Variants in CYP2E1 observed in about 807,000 individuals in gnomAD.
CYP2E1 encodes cytochrome P450 family 2 subfamily E member 1, also known as cytochrome P450 2E1.
In CYP2E1, 31 loss-of-function variants were observed where a neutral mutation model predicts 42.9. The ratio of observed to expected loss-of-function variants is 0.72; its 90% CI spans 0.54 to 0.98. The LOEUF (loss-of-function observed/expected upper bound fraction) is 0.98. Among genes scored for constraint, CYP2E1 ranks in the 50% least tolerant of loss-of-function variants. CYP2E1 has a pLI of 0.00. For synonymous variants in CYP2E1, 244 were observed against 248.9 expected (o/e 0.98, Z 0.19); for missense variants, 565 against 633.2 (o/e 0.89, Z 1.16).
chr10:133,537,385 TC>T, intron 7 of CYP2E1, 135 bp downstream of exon 7: 1 of 844,418 alleles, frequency 1.2e-6, no homozygotes, highest in Non-Finnish European at 1.8e-6. Flanking sequence ...CTGGCCCCAC[TC>T]CCACCCTGTG....
At chr10:133,528,718 G>A (rs1851302542) in intron 2 of CYP2E1, 78 bp downstream of exon 2, 1 of 1,536,532 alleles carries the variant, frequency 6.5e-7, no homozygotes, top group Non-Finnish European at 8.9e-7. Flanking sequence ...CCACGTCGGC[G>A]ATGGCCAAAT....
chr10:133,528,119 G>C (rs906606160), intron 1 of CYP2E1: 6 of 244,746 alleles, frequency 2.5e-5, no homozygotes, highest in East Asian at 9.4e-5. Flanking sequence ...GCTCCAGCTC[G>C]GGCTCCCGCG....
At chr10:133,532,056 G>A in intron 3 of CYP2E1, 68 bp from the exon 4 acceptor site, 3 of 1,456,694 alleles carry the variant, frequency 2.1e-6, no homozygotes, top group Non-Finnish European at 1.9e-6. Flanking sequence ...AACCTCAGTG[G>A]GTGACTGAGC....
chr10:133,536,969 T>C (rs963383568), intron 6 of CYP2E1, 94 bp from the exon 7 acceptor site: 10 of 1,161,226 alleles, frequency 8.6e-6, no homozygotes, highest in Middle Eastern at 2.6e-4. Flanking sequence ...GGCAGATGGA[T>C]AAAAGCGTGA....
chr10:133,527,671 A>C (rs1589952925), intron 1 of CYP2E1, 99 bp downstream of exon 1: 1 of 974,470 alleles, frequency 1.0e-6, no homozygotes, highest in South Asian at 1.5e-5. Flanking sequence ...GTTGTTCAAT[A>C]CCAGCCTGTT....
chr10:133,536,956 G>T (rs1412637200), intron 6 of CYP2E1, 107 bp from the exon 7 acceptor site: 4 of 871,354 alleles, frequency 4.6e-6, no homozygotes, highest in African/African-American at 3.2e-5. Flanking sequence ...GGATGTGTAG[G>T]TGGGCAGATG....
intron 6 of CYP2E1, 31 bp from the exon 7 acceptor site, chr10:133,537,032 C>T: frequency 1.3e-6 from 2 of 1,585,928 alleles, no homozygotes; most frequent in Non-Finnish European, 1.7e-6. Flanking sequence ...GGAACCAATC[C>T]CTGAAATTTG....
intron 6 of CYP2E1, among the ~76,000 whole-genome samples, chr10:133,536,630 T>TGGGGGGG (rs1851404697): frequency 9.7e-5 from 1 of 10,334 alleles, no homozygotes; most frequent in African/African-American, 5.4e-4. Flanking sequence ...GGTGGATGGA[T>TGGGGGGG]GGGTGGATGG....
intron 3 of CYP2E1, 38 bp from the exon 4 acceptor site, chr10:133,532,086 C>T (rs1851344637): frequency 1.9e-6 from 3 of 1,599,180 alleles, no homozygotes; most frequent in Non-Finnish European, 2.6e-6. Context: ...AGTCTCCTCA[C>T]CCCCATCTTC....
intron 6 of CYP2E1, among the ~76,000 whole-genome samples, chr10:133,536,354 A>G (rs1851395326): frequency 6.6e-6 from 1 of 151,774 alleles, no homozygotes; most frequent in Non-Finnish European, 1.5e-5. Context: ...TGCTCCATAA[A>G]CATCTTCTGC....
At position 133,527,556 on chromosome 10, in the gene CYP2E1, C is replaced by T. The variant is rs750499891; in HGVS notation, c.161C>T (p.Pro54Leu). The change falls in exon 1 of 9, where the codon CCC becomes CTC. Residue 54 changes from proline to leucine, a missense_variant. By Grantham distance (98) the Pro-to-Leu change is moderately conservative. Transcript: ENST00000252945. ...TTCCAGTTGGAATTGAAGAATATTC[C>T]CAAGTCCTTCACCCGGGTAAGAGAA... ...NLFQLELKNI[P>L]KSFTRLAQRF... is the part of the protein sequence containing the mutation. 6 of 1,611,532 alleles carry T rather than the reference C, an allele frequency of 3.7e-6. No homozygotes were observed. The South Asian group carries it at 6.6e-5, about 18-fold the overall frequency.
Position 133,537,915 on chromosome 10 carries a change from C to T in CYP2E1, c.1297+23C>T, listed in dbSNP as rs756464694. On this transcript the variant is annotated intron_variant, in intron 8 of 8. Coordinates refer to ENST00000252945, the MANE Select transcript of CYP2E1 (RefSeq NM_000773.4). ...CAGGTGAGAAAGATCAGAGGCAGTA[C>T]CTTCCCTTGAGGAGCAGCCCACACT... 5.6e-6 allele frequency: 9 copies of T among 1,608,700 alleles called. No homozygotes were observed. The East Asian group carries it at 2.0e-4, about 36-fold the overall frequency.
chr10:133,529,553 G>T (rs1402508202), intron 2 of CYP2E1, among the ~76,000 whole-genome samples: 2 of 152,264 alleles, frequency 1.3e-5, no homozygotes, highest in African/African-American at 2.4e-5. Flanking sequence ...TTTTAAATCG[G>T]TGAGCTCGTG....
At position 133,537,853 on chromosome 10, in the gene CYP2E1, A is replaced by G. The variant is rs1328203136; in HGVS notation, c.1258A>G (p.Lys420Glu). ...AGAACACTTCCTGAATGAAAATGGA[A>G]AGTTCAAGTACAGTGACTATTTCAA... The part of the protein sequence containing the change: ...KPEHFLNENG[K>E]FKYSDYFKPF... The change falls in exon 8 of 9, where the codon AAG becomes GAG. Residue 420 changes from lysine (K) to glutamate (E), a missense_variant. Transcript: ENST00000252945. 6.2e-7 allele frequency: 1 copy of G among 1,613,982 alleles called. No homozygotes were observed.
Position 133,532,165 on chromosome 10 carries a change from T to C in CYP2E1, c.529T>C (p.Cys177Arg). 1.2e-6 allele frequency: 2 copies of C among 1,614,018 alleles called. No homozygotes were observed. The highest frequency in any genetic ancestry group is 1.7e-6 in the Non-Finnish European group (2 of 1,180,012). Residue 177 changes from cysteine to arginine, a missense_variant, in exon 4 of 9, where the codon TGC (cysteine) becomes CGC (arginine). Transcript: ENST00000252945. ...CACCTTCCTCATCGGCTGCGCGCCC[T>C]GCAACGTCATAGCCGACATCCTCTT... ...DPTFLIGCAP[C>R]NVIADILFRK... is the part of the protein sequence containing the mutation.
intron 6 of CYP2E1, among the ~76,000 whole-genome samples, chr10:133,534,891 G>T (rs1173256109): frequency 6.7e-6 from 1 of 150,230 alleles, no homozygotes; most frequent in African/African-American, 2.5e-5. Context: ...AGGGGACAGG[G>T]TCTCACTCTG....
intron 6 of CYP2E1, 23 bp downstream of exon 6, chr10:133,533,920 A>C: frequency 1.2e-6 from 2 of 1,613,386 alleles, no homozygotes; most frequent in Non-Finnish European, 1.7e-6. Flanking sequence ...CTGAAGGGAC[A>C]CCGTGCGTGC....
chr10:133,537,854 A>T lies in CYP2E1; in HGVS notation c.1259A>T (p.Lys420Met), dbSNP rs748046628. 3 of 1,613,872 alleles carry T rather than the reference A, an allele frequency of 1.9e-6. No individual in the cohort carries two copies. In the Admixed American group the frequency reaches 5.0e-5, roughly 27 times the overall value. ...GAACACTTCCTGAATGAAAATGGAA[A>T]GTTCAAGTACAGTGACTATTTCAAG... ...KPEHFLNENGKFKYSDYFKPF... is the reference protein window; with the variant it reads ...KPEHFLNENGMFKYSDYFKPF... Residue 420 changes from lysine (K) to methionine (M), a missense_variant, in exon 8 of 9, where the codon AAG becomes ATG. Coordinates refer to ENST00000252945, the MANE Select transcript of CYP2E1 (RefSeq NM_000773.4).
At chr10:133,532,632 AACAC>A in intron 4 of CYP2E1, 56 bp from the exon 5 acceptor site, 1 of 1,418,946 alleles carries the variant, frequency 7.0e-7, no homozygotes, top group Non-Finnish European at 9.6e-7. Context: ...TTGTTGGTCC[AACAC>A]ACACAATTAT....
Sources: gnomAD v4.1 joint callset for allele counts (sites outside exome capture counted in the v4.1 genomes callset) on GRCh38, gnomAD v4.1.1 for gene constraint, MANE v1.5 for transcripts, NCBI Gene and HGNC (gene_info 2026-07-23, HGNC 2026-07-21) for gene names.